Variants in IPO7 observed in about 807,000 individuals in gnomAD.
IPO7 encodes the protein importin 7.
Under a neutral mutation model 136.4 loss-of-function variants are expected in IPO7, and 13 were observed. The observed-to-expected ratio is 0.10, with a 90% CI of 0.06 to 0.15. The LOEUF is 0.15. IPO7 is among the 10% of genes least tolerant of loss of function. The probability of loss-of-function intolerance (pLI) is 1.00; values close to 1 mark genes in which losing one functional copy is unlikely to be tolerated. For synonymous variants in IPO7, 403 were observed against 404.4 expected (o/e 1.00, Z 0.04); for missense variants, 857 against 1,240.6 (o/e 0.69, Z 4.65).
At position 9,424,863 on chromosome 11, in the gene IPO7, T is replaced by C. The variant is rs749209506; in HGVS notation, c.1142-51T>C. On this transcript the variant is annotated intron_variant, in intron 10 of 24. Coordinates refer to ENST00000379719, the MANE Select transcript of IPO7 (RefSeq NM_006391.3). ...AAAGATTAAGCATGTTTTTTAATGC[T>C]TTGTTGAAGAAATTAATGTTTATTG... 7.1e-6 allele frequency: 8 copies of C among 1,124,996 alleles called. No homozygotes were observed. The African/African-American group carries it at 1.1e-4, about 15-fold the overall frequency. The allele number at this position is 1,124,996 out of a possible 1,614,324, so 69.7% of individuals were successfully genotyped here. A position where few individuals can be genotyped will look rare whatever the true frequency, so the allele number is the denominator to read the frequency against.
intron 16 of IPO7, among the ~76,000 whole-genome samples, 193 bp downstream of exon 16, chr11:9,431,196 TA>T (rs1273233157): frequency 2.6e-5 from 4 of 152,184 alleles, no homozygotes; most frequent in Non-Finnish European, 2.9e-5. Context: ...TTTACCATCT[TA>T]GGGCTCAGGA....
intron 8 of IPO7, among the ~76,000 whole-genome samples, chr11:9,422,228 G>A (rs1458838582): frequency 1.3e-5 from 2 of 152,004 alleles, no homozygotes; most frequent in African/African-American, 2.4e-5. Flanking sequence ...GCGGTGGGCC[G>A]AGATTGCACC....
intron 1 of IPO7, among the ~76,000 whole-genome samples, chr11:9,386,710 T>C (rs1426172835): frequency 6.6e-6 from 1 of 152,170 alleles, no homozygotes; most frequent in Non-Finnish European, 1.5e-5. Flanking sequence ...AGTAGAAACC[T>C]GGGGTATTTC....
At chr11:9,441,306 A>G (rs1325249847) in intron 23 of IPO7, among the ~76,000 whole-genome samples, 3 of 152,186 alleles carry the variant, frequency 2.0e-5, no homozygotes, top group Non-Finnish European at 2.9e-5. Flanking sequence ...GCTCCAGAAT[A>G]CTAGGTTCTG....
In IPO7 at chr11:9,437,942, A is replaced by C; in HGVS notation, c.2457A>C (p.Thr819=). The C allele has an allele frequency of 1.2e-6, 2 of 1,613,548 alleles. No individual in the cohort carries two copies. The highest frequency in any genetic ancestry group is 8.5e-7 in the Non-Finnish European group (1 of 1,179,680). ...AACCAGTTACAAATCATTTTATTACACAGTGGCTTAATGATGTTGACTGTT... is the reference window on the plus strand; with the variant it reads ...AACCAGTTACAAATCATTTTATTACCCAGTGGCTTAATGATGTTGACTGTT... The part of the protein sequence containing the change: ...NVEPVTNHFI[T]QWLNDVDCFL... Residue 819 remains threonine, a synonymous_variant, in exon 21 of 25, where the codon ACA becomes ACC. Transcript: ENST00000379719.
intron 1 of IPO7, among the ~76,000 whole-genome samples, chr11:9,387,739 A>G (rs1174265734): frequency 2.0e-5 from 3 of 146,802 alleles, no homozygotes; most frequent in East Asian, 4.1e-4. Flanking sequence ...GCTGAGGCAG[A>G]AGAATCGCTT....
intron 20 of IPO7, 36 bp from the exon 21 acceptor site, chr11:9,437,718 T>A: frequency 7.0e-7 from 1 of 1,427,486 alleles, no homozygotes; most frequent in Non-Finnish European, 9.8e-7. Context: ...TGCTATTAAT[T>A]ATAGTCTTAG....
At chr11:9,420,817 C>G in intron 8 of IPO7, 119 bp downstream of exon 8, 1 of 664,250 alleles carries the variant, frequency 1.5e-6, no homozygotes, top group Non-Finnish European at 2.6e-6. Context: ...TGTACCAGGT[C>G]TCAAACATTT....
chr11:9,398,758 C>T (rs969527384), intron 1 of IPO7, among the ~76,000 whole-genome samples: 2 of 152,144 alleles, frequency 1.3e-5, no homozygotes, highest in Admixed American at 6.5e-5. Flanking sequence ...CTGCTTCTAG[C>T]TATTTGAAAA....
chr11:9,414,587 C>A (rs1189047196), intron 5 of IPO7, 176 bp downstream of exon 5: 8 of 386,076 alleles, frequency 2.1e-5, no homozygotes, highest in Non-Finnish European at 1.4e-5. Flanking sequence ...AAGCATACTT[C>A]CTCCCCAAAT....
At chr11:9,423,616 A>T (rs1338326858) in intron 9 of IPO7, among the ~76,000 whole-genome samples, 161 bp from the exon 10 acceptor site, 1 of 152,224 alleles carries the variant, frequency 6.6e-6, no homozygotes, top group Non-Finnish European at 1.5e-5. Context: ...AAGTACATGT[A>T]GTTTGATAGT....
chr11:9,403,927 A>T (rs1044097710), intron 2 of IPO7, among the ~76,000 whole-genome samples: 4 of 151,952 alleles, frequency 2.6e-5, no homozygotes, highest in African/African-American at 9.7e-5. Flanking sequence ...AGTGGTGCGA[A>T]CTCGGCTCTC....
chr11:9,400,483 G>T (rs1246429053), intron 1 of IPO7, among the ~76,000 whole-genome samples: 1 of 151,650 alleles, frequency 6.6e-6, no homozygotes, highest in Non-Finnish European at 1.5e-5. Context: ...GTGCGGTGGC[G>T]CGATCTCGGC....
intron 22 of IPO7, among the ~76,000 whole-genome samples, chr11:9,440,080 G>A (rs1855441508): frequency 6.6e-6 from 1 of 152,064 alleles, no homozygotes; most frequent in Non-Finnish European, 1.5e-5. Context: ...AAAATATTAA[G>A]AGAAATTATT....
intron 19 of IPO7, among the ~76,000 whole-genome samples, chr11:9,435,578 C>G (rs1162643503): frequency 5.9e-5 from 9 of 152,170 alleles, no homozygotes; most frequent in Non-Finnish European, 1.3e-4. Flanking sequence ...TCTTTCCTTT[C>G]TGAACACGAA....
intron 1 of IPO7, among the ~76,000 whole-genome samples, chr11:9,388,096 G>A (rs1165789427): frequency 3.9e-5 from 6 of 151,932 alleles, no homozygotes; most frequent in East Asian, 3.9e-4. Flanking sequence ...GCGGTGAGCC[G>A]AGATCGTACC....
At chr11:9,441,980 TTC>T (rs1855465018) in intron 23 of IPO7, 99 bp from the exon 24 acceptor site, 2 of 568,088 alleles carry the variant, frequency 3.5e-6, no homozygotes, top group Non-Finnish European at 6.4e-6. Context: ...AGATCAGAAT[TTC>T]AGTATTGCCT....
chr11:9,397,341 A>AAAAAAAAATAT lies in IPO7; in HGVS notation c.85-5948_85-5947insAAAAAAATATA. ...CTTTACTAAAAATAATTTAAAAAAA[A>AAAAAAAAATAT]ATATATATATATATATATATATATT... On this transcript the variant is annotated intron_variant, in intron 1 of 24. Coordinates refer to ENST00000379719, the MANE Select transcript of IPO7 (RefSeq NM_006391.3). 3.9e-3 allele frequency among the ~76,000 whole-genome samples: 42 copies of AAAAAAAAATAT among 10,760 alleles called. 1 individual carries two copies. Among genetic ancestry groups the AAAAAAAAATAT allele is most frequent in the South Asian group, 0.026 (4 of 152 alleles). 7.1% of individuals were successfully genotyped at this position (10,760 alleles called of 152,430 possible).
In IPO7 at chr11:9,414,336, G is replaced by C; in HGVS notation, c.561G>C (p.Gln187His). 3.7e-6 allele frequency: 6 copies of C among 1,612,892 alleles called. No homozygotes were observed. The highest frequency in any genetic ancestry group is 1.3e-5 in the African/African-American group (1 of 75,004). The change falls in exon 5 of 25, where the codon CAG (glutamine) becomes CAC (histidine). Residue 187 changes from glutamine (Q) to histidine (H), a missense_variant. Coordinates refer to ENST00000379719, the MANE Select transcript of IPO7 (RefSeq NM_006391.3). ...CAGTTCTAAAGGATCGTTTTATCCAGCTTCTTTCTGACCAGTCTGATCAGT... is the reference window on the plus strand; with the variant it reads ...CAGTTCTAAAGGATCGTTTTATCCACCTTCTTTCTGACCAGTCTGATCAGT... ...FLPVLKDRFI[Q>H]LLSDQSDQSV... is the part of the protein sequence containing the mutation.
Sources: gnomAD v4.1 joint callset for allele counts (sites outside exome capture counted in the v4.1 genomes callset) on GRCh38, gnomAD v4.1.1 for gene constraint, MANE v1.5 for transcripts, NCBI Gene and HGNC (gene_info 2026-07-23, HGNC 2026-07-21) for gene names.